The following SEC14L2 variants were observed in gnomAD, a reference collection of about 807,000 sequenced individuals.
SEC14L2 encodes SEC14-like protein 2.
A neutral mutation model predicts 56.9 loss-of-function variants in SEC14L2; 50 were observed. The observed-to-expected ratio is 0.88, with a 90% CI of 0.70 to 1.11. The LOEUF (loss-of-function observed/expected upper bound fraction) is 1.11, where lower values mean the gene tolerates loss of function less well. SEC14L2 is among the 50% of genes most tolerant of loss of function. The pLI is 0.00. For synonymous variants in SEC14L2, 179 were observed against 188.5 expected (o/e 0.95, Z 0.41); for missense variants, 414 against 500.7 (o/e 0.83, Z 1.65).
chr22:30,410,655 C>A lies in SEC14L2; in HGVS notation c.640C>A (p.Arg214Ser). Residue 214 changes from arginine to serine, a missense_variant, in exon 8 of 12, where the codon CGT becomes AGT. Arg to Ser is a moderately radical substitution (Grantham distance 110). Coordinates refer to ENST00000615189, the MANE Select transcript of SEC14L2 (RefSeq NM_012429.5). ...LIKPFLSEDT[R>S]KKIMVLGANW... ...CAAACCCTTCCTGAGTGAGGACACT[C>A]GTAAGAAGATCATGGTCCTGGGAGG... 6.2e-7 allele frequency: 1 copy of A among 1,614,122 alleles called. No individual in the cohort carries two copies.
intron 8 of SEC14L2, among the ~76,000 whole-genome samples, chr22:30,412,090 G>GT (rs2146030148): frequency 6.6e-6 from 1 of 152,290 alleles, no homozygotes; most frequent in East Asian, 1.9e-4. Context: ...AGGGAACCAG[G>GT]AGTCAGGCCC....
chr22:30,413,045 T>G (rs1934294423), intron 8 of SEC14L2, among the ~76,000 whole-genome samples: 1 of 151,998 alleles, frequency 6.6e-6, no homozygotes, highest in Non-Finnish European at 1.5e-5. Context: ...GATATAAAAA[T>G]GTTGGGAATA....
Position 30,409,197 on chromosome 22 carries a change from AG to A in SEC14L2, c.436del (p.Val146TrpfsTer6). The A allele has an allele frequency of 6.2e-7, 1 of 1,612,226 alleles. No homozygotes were observed. Among genetic ancestry groups the A allele is most frequent in the Non-Finnish European group, 8.5e-7 (1 of 1,178,912 alleles). On this transcript the variant is annotated frameshift_variant, in exon 6 of 12. Coordinates refer to ENST00000615189, the MANE Select transcript of SEC14L2 (RefSeq NM_012429.5). LOFTEE classifies it high-confidence loss of function. Reference sequence around the variant, plus strand: ...CTCTGTTCCCTGCAGTTGGGGAGGAAGGTGGAGACCATCACCATAATTTATG... The same window carrying A: ...CTCTGTTCCCTGCAGTTGGGGAGGAAGTGGAGACCATCACCATAATTTATG... ...CAHQTTKLGRKVETITIIYDC... is the reference protein window; with the variant it reads ...CAHQTTKLGRXVETITIIYDC...
chr22:30,409,218 T>C lies in SEC14L2; in HGVS notation c.455T>C (p.Ile152Thr), dbSNP rs1934181764. ...LGRKVETITI[I>T]YDCEGLGLKH... is the part of the protein sequence containing the mutation. ...AGGAAGGTGGAGACCATCACCATAATTTATGACTGCGAGGGGCTTGGCCTC... is the reference window on the plus strand; with the variant it reads ...AGGAAGGTGGAGACCATCACCATAACTTATGACTGCGAGGGGCTTGGCCTC... The change falls in exon 6 of 12, where the codon ATT becomes ACT. Residue 152 changes from isoleucine (I) to threonine (T), a missense_variant. By Grantham distance (89) the Ile-to-Thr change is moderately conservative (BLOSUM62 -1). Transcript: ENST00000615189. 6.2e-7 allele frequency: 1 copy of C among 1,613,968 alleles called. No homozygotes were observed.
chr22:30,414,764 TAA>T (rs546093091), intron 8 of SEC14L2, among the ~76,000 whole-genome samples: 15 of 140,972 alleles, frequency 1.1e-4, no homozygotes, highest in African/African-American at 1.3e-4. Context: ...TTGGGTATTT[TAA>T]AAAAAAAAAA....
rs752318547 is a variant in SEC14L2 at position 30,399,738 on chromosome 22, G to A, written c.130+20G>A. 7 of 1,607,474 alleles carry A rather than the reference G, an allele frequency of 4.4e-6. No individual in the cohort carries two copies. The highest frequency in any genetic ancestry group is 2.7e-5 in the African/African-American group (2 of 74,734). On this transcript the variant is annotated intron_variant, in intron 2 of 11. Transcript: ENST00000615189. ...TCCGAGGTGAGGGAAGAGGGGCTGC[G>A]GGAGGCTGGGGCAGGGGCTTGTTCT... is the stretch of plus-strand genomic sequence containing the variant.
At chr22:30,406,521 C>G in intron 3 of SEC14L2, 136 bp downstream of exon 3, 1 of 806,964 alleles carries the variant, frequency 1.2e-6, no homozygotes, top group Admixed American at 2.3e-5. Flanking sequence ...CCTTATCCCT[C>G]TGGGACAAAT....
At chr22:30,413,171 A>ATT (rs1934298347) in intron 8 of SEC14L2, among the ~76,000 whole-genome samples, 1 of 152,236 alleles carries the variant, frequency 6.6e-6, no homozygotes, top group Non-Finnish European at 1.5e-5. Context: ...ACAGAGGCAG[A>ATT]ACCCTGGGGA....
intron 6 of SEC14L2, 21 bp downstream of exon 6, chr22:30,409,303 G>C: frequency 6.2e-7 from 1 of 1,610,348 alleles, no homozygotes; most frequent in South Asian, 1.1e-5. Flanking sequence ...GGGGTGGGGA[G>C]GAAGGGGACA....
intron 1 of SEC14L2, among the ~76,000 whole-genome samples, chr22:30,399,067 C>T (rs965161383): frequency 6.6e-5 from 10 of 152,138 alleles, no homozygotes; most frequent in African/African-American, 2.4e-4. Context: ...ATCTGCCTGC[C>T]CGCAGACTGG....
intron 2 of SEC14L2, among the ~76,000 whole-genome samples, chr22:30,404,593 C>T (rs759967526): frequency 6.6e-6 from 1 of 152,116 alleles, no homozygotes; most frequent in Non-Finnish European, 1.5e-5. Flanking sequence ...GAATCTGGAT[C>T]TCAAAACTCT....
In SEC14L2 at chr22:30,425,084, A is replaced by AC; in HGVS notation, c.*2678dup. The AC allele has an allele frequency of 1.1e-5, 3 of 262,022 alleles. No individual in the cohort carries two copies. The highest frequency in any genetic ancestry group is 3.5e-5 in the South Asian group (1 of 28,832). 16.2% of individuals were successfully genotyped at this position (262,022 alleles called of 1,614,324 possible). A position where few individuals can be genotyped will look rare whatever the true frequency, so the allele number is the denominator to read the frequency against. ...CTCATTTAGAGCTCGCATTAAGAGCACGGGATCTGGATCCACACTGTTTGG... is the reference window on the plus strand; with the variant it reads ...CTCATTTAGAGCTCGCATTAAGAGCACCGGGATCTGGATCCACACTGTTTGG... On this transcript the variant is annotated 3_prime_UTR_variant, in exon 12 of 12. Coordinates refer to ENST00000615189, the MANE Select transcript of SEC14L2 (RefSeq NM_012429.5).
chr22:30,400,974 G>A (rs1774243264), intron 2 of SEC14L2, among the ~76,000 whole-genome samples: 1 of 143,868 alleles, frequency 7.0e-6, no homozygotes, highest in African/African-American at 2.5e-5. Flanking sequence ...GTTTCACGTT[G>A]GCCAGGCTGG....
chr22:30,402,307 G>A (rs1933961680), intron 2 of SEC14L2, among the ~76,000 whole-genome samples: 1 of 151,194 alleles, frequency 6.6e-6, no homozygotes, highest in Non-Finnish European at 1.5e-5. Context: ...GCTGCTGTTG[G>A]GGGAGAAGCA....
intron 2 of SEC14L2, 134 bp from the exon 3 acceptor site, chr22:30,406,208 T>C: frequency 1.3e-6 from 1 of 754,394 alleles, no homozygotes; most frequent in Non-Finnish European, 2.2e-6. Flanking sequence ...CTTCTGCTTG[T>C]AGGATGGTCT....
intron 11 of SEC14L2, among the ~76,000 whole-genome samples, chr22:30,417,747 C>A (rs1934424317): frequency 6.6e-6 from 1 of 152,106 alleles, no homozygotes; most frequent in Non-Finnish European, 1.5e-5. Context: ...CCCTGTGCCC[C>A]ATTTCTACGG....
intron 5 of SEC14L2, 40 bp downstream of exon 5, chr22:30,407,643 C>T: frequency 6.4e-7 from 1 of 1,565,520 alleles, no homozygotes; most frequent in East Asian, 2.3e-5. Context: ...TTGACCACAG[C>T]AGAGGCATTC....
At chr22:30,408,459 T>G (rs1386722584) in intron 5 of SEC14L2, among the ~76,000 whole-genome samples, 1 of 151,912 alleles carries the variant, frequency 6.6e-6, no homozygotes, top group Non-Finnish European at 1.5e-5. Context: ...CTGTGCATAG[T>G]GGCATATACC....
chr22:30,422,463 C>G lies in SEC14L2; in HGVS notation c.*56C>G. ...CAGTGTCTCCCTGTCAATTTCTACC[C>G]CTTGTAGCAGTCATTTTCGCACAAC... On this transcript the variant is annotated 3_prime_UTR_variant, in exon 12 of 12. Transcript: ENST00000615189. 6.2e-7 allele frequency: 1 copy of G among 1,603,844 alleles called. No individual in the cohort carries two copies. Among genetic ancestry groups the G allele is most frequent in the Non-Finnish European group, 8.5e-7 (1 of 1,174,766 alleles).
Sources: gnomAD v4.1 joint callset for allele counts (sites outside exome capture counted in the v4.1 genomes callset) on GRCh38, gnomAD v4.1.1 for gene constraint, MANE v1.5 for transcripts, NCBI Gene and HGNC (gene_info 2026-07-23, HGNC 2026-07-21) for gene names.